The following SLC35D4 variants were observed in gnomAD, a reference collection of about 807,000 sequenced individuals.
SLC35D4 encodes the protein UDP-N-acetylglucosamine transporter SLC35D4.
the SLC35D4 span, among the ~76,000 whole-genome samples, chr18:23,265,500 C>T: frequency 7.3e-5 from 11 of 151,074 alleles, no homozygotes; most frequent in South Asian, 2.3e-3. Flanking sequence ...CAGTAGGAAT[C>T]GTCCCCCCAA....
At chr18:23,342,799 G>A in the SLC35D4 span, among the ~76,000 whole-genome samples, 1 of 152,108 alleles carries the variant, frequency 6.6e-6, no homozygotes, top group African/African-American at 2.4e-5. Context: ...GTTTCAATTT[G>A]CATTTCTCTA....
chr18:23,268,541 G>A, the SLC35D4 span, among the ~76,000 whole-genome samples: 1 of 152,012 alleles, frequency 6.6e-6, no homozygotes, highest in South Asian at 2.1e-4. Flanking sequence ...TCCAGTCAAG[G>A]TTCGAGAGTC....
chr18:23,263,674 G>A, the SLC35D4 span, among the ~76,000 whole-genome samples: 1 of 152,226 alleles, frequency 6.6e-6, no homozygotes, highest in Non-Finnish European at 1.5e-5. Context: ...TTCCTTGGCT[G>A]CTGTCCCTTT....
At chr18:23,371,967 G>A in the SLC35D4 span, among the ~76,000 whole-genome samples, 2 of 57,114 alleles carry the variant, frequency 3.5e-5, no homozygotes, top group African/African-American at 6.4e-5. Flanking sequence ...ACGGAGTCTC[G>A]CTCTGTCGCC....
the SLC35D4 span, chr18:23,257,485 C>T: frequency 8.4e-7 from 1 of 1,192,050 alleles, no homozygotes; most frequent in Non-Finnish European, 1.1e-6. Context: ...TTCCTCTCGA[C>T]ATAGTTTGGG....
At chr18:23,246,089 C>A in the SLC35D4 span, among the ~76,000 whole-genome samples, 11 of 152,202 alleles carry the variant, frequency 7.2e-5, no homozygotes, top group Admixed American at 5.9e-4. Flanking sequence ...AACGGTGTAA[C>A]CCTGTCTCTA....
the SLC35D4 span, among the ~76,000 whole-genome samples, chr18:23,387,407 C>T: frequency 1.1e-4 from 17 of 152,242 alleles, no homozygotes; most frequent in Non-Finnish European, 2.2e-4. Context: ...CCAAGAGGAA[C>T]GACCCAAATA....
the SLC35D4 span, among the ~76,000 whole-genome samples, chr18:23,346,025 C>T: frequency 1.3e-5 from 2 of 152,020 alleles, no homozygotes; most frequent in South Asian, 4.2e-4. Flanking sequence ...AATCCCAGCA[C>T]CTTGGGAGGC....
At chr18:23,411,188 GA>G in the SLC35D4 span, among the ~76,000 whole-genome samples, 1 of 140,352 alleles carries the variant, frequency 7.1e-6, no homozygotes, top group Non-Finnish European at 1.5e-5. Flanking sequence ...AGGAAGGAAG[GA>G]GAGAAAGAGA....
At chr18:23,320,379 C>T in the SLC35D4 span, among the ~76,000 whole-genome samples, 1 of 152,198 alleles carries the variant, frequency 6.6e-6, no homozygotes, top group Non-Finnish European at 1.5e-5. Context: ...TCTAATCTTG[C>T]ACTGGATTGT....
At chr18:23,275,150 G>C in the SLC35D4 span, among the ~76,000 whole-genome samples, 1 of 151,998 alleles carries the variant, frequency 6.6e-6, no homozygotes, top group Non-Finnish European at 1.5e-5. Flanking sequence ...TTGTGCGTGT[G>C]TGTGTGTGCA....
the SLC35D4 span, among the ~76,000 whole-genome samples, chr18:23,383,780 C>T: frequency 6.6e-6 from 1 of 152,066 alleles, no homozygotes. Flanking sequence ...GCAATGACAA[C>T]ACCAAGGCAT....
At chr18:23,276,226 T>C in the SLC35D4 span, among the ~76,000 whole-genome samples, 5 of 152,092 alleles carry the variant, frequency 3.3e-5, no homozygotes, top group East Asian at 5.8e-4. Flanking sequence ...TAGCTGGGAC[T>C]ACAGGCACCC....
the SLC35D4 span, chr18:23,356,710 T>C: frequency 6.3e-7 from 1 of 1,583,260 alleles, no homozygotes. This position sits in a 1 kb window ranked among gnomAD's most constrained non-coding sequence, Gnocchi z 4.1. Context: ...AGGCCTCACA[T>C]GACCCTCTGC....
At chr18:23,262,107 GAGAA>G in the SLC35D4 span, among the ~76,000 whole-genome samples, 2 of 152,200 alleles carry the variant, frequency 1.3e-5, no homozygotes, top group Non-Finnish European at 2.9e-5. Context: ...GTCTAGGAAA[GAGAA>G]AGGTATAGAG....
chr18:23,369,203 T>C, the SLC35D4 span, among the ~76,000 whole-genome samples: 1 of 152,256 alleles, frequency 6.6e-6, no homozygotes, highest in Non-Finnish European at 1.5e-5. Context: ...TACTGGCTTC[T>C]TGCTACAAAA....
the SLC35D4 span, chr18:23,421,589 C>T: frequency 1.5e-6 from 1 of 673,906 alleles, no homozygotes; most frequent in African/African-American, 1.8e-5. Context: ...CCAATTATCC[C>T]ATTTCTCAGA....
At chr18:23,345,831 C>A in the SLC35D4 span, among the ~76,000 whole-genome samples, 1 of 151,802 alleles carries the variant, frequency 6.6e-6, no homozygotes, top group East Asian at 1.9e-4. Context: ...TTATTTAATT[C>A]CTCTCAAAAA....
At chr18:23,411,483 T>TAGATAGAAAGAA in the SLC35D4 span, among the ~76,000 whole-genome samples, 1 of 91,730 alleles carries the variant, frequency 1.1e-5, no homozygotes, top group Non-Finnish European at 2.3e-5. Context: ...AAGAAAGAGA[T>TAGATAGAAAGAA]AGAAAGAAAG....
Sources: allele counts gnomAD v4.1 joint callset (sites outside exome capture counted in the v4.1 genomes callset), GRCh38; gene constraint gnomAD v4.1.1; non-coding constraint Gnocchi (gnomAD v3.1); transcripts MANE v1.5; gene names NCBI Gene and HGNC (gene_info 2026-07-23, HGNC 2026-07-21).